The following CCAR2 variants were observed in gnomAD, a reference collection of about 807,000 sequenced individuals.
The protein encoded by CCAR2 is cell cycle and apoptosis regulator 2, also known as cell cycle and apoptosis regulator protein 2.
Under a neutral mutation model 108.1 loss-of-function variants are expected in CCAR2, and 21 were observed. The observed-to-expected ratio is 0.19, with a 90% CI of 0.14 to 0.28. CCAR2 has a LOEUF of 0.28. Ranked by LOEUF, CCAR2 falls within the 10% of genes least tolerant of loss-of-function variation. The pLI is 1.00. For synonymous variants in CCAR2, 577 were observed against 472.8 expected (o/e 1.22, Z -2.86); for missense variants, 1,126 against 1,177.0 (o/e 0.96, Z 0.63).
chr8:22,621,084 A>G (rs1190696249), downstream of CCAR2: 1 of 246,880 alleles, frequency 4.1e-6, no homozygotes, highest in Non-Finnish European at 7.8e-6. Context: ...AACGCATGCA[A>G]GGCTAAGACC....
chr8:22,614,330 T>A lies in CCAR2; in HGVS notation c.927+16T>A. On this transcript the variant is annotated intron_variant, in intron 9 of 20. Coordinates refer to ENST00000308511, the MANE Select transcript of CCAR2 (RefSeq NM_001393997.1). ...TAGTTCGAAGGTAAGCTGACAGGCG[T>A]CTCTCACTTATCTGATTTCTGGAGG... is the stretch of plus-strand genomic sequence containing the variant. 1.9e-6 allele frequency: 3 copies of A among 1,613,944 alleles called. No individual in the cohort carries two copies. The highest frequency in any genetic ancestry group is 2.5e-6 in the Non-Finnish European group (3 of 1,179,866).
At chr8:22,606,301 T>G in intron 3 of CCAR2, 125 bp downstream of exon 3, 1 of 871,826 alleles carries the variant, frequency 1.1e-6, no homozygotes, top group Non-Finnish European at 1.9e-6. Context: ...AGTGGGCTAG[T>G]ATGGGGTTGC....
At chr8:22,608,801 T>C (rs1801173407) in intron 7 of CCAR2, among the ~76,000 whole-genome samples, 1 of 152,228 alleles carries the variant, frequency 6.6e-6, no homozygotes. Context: ...ATTTTAAACT[T>C]GTTATAATGG....
intron 14 of CCAR2, among the ~76,000 whole-genome samples, chr8:22,616,981 A>G: frequency 9.2e-6 from 1 of 108,318 alleles, no homozygotes; most frequent in African/African-American, 4.0e-5. Context: ...TCCCAGGTTC[A>G]AACGATTCTC....
At position 22,619,848 on chromosome 8, in the gene CCAR2, T is replaced by TGTGC. The variant is rs1801694212; in HGVS notation, c.*167_*170dup. On this transcript the variant is annotated 3_prime_UTR_variant, in exon 21 of 21. Coordinates refer to ENST00000308511, the MANE Select transcript of CCAR2 (RefSeq NM_001393997.1). ...GACGGCAGGCCATCAGGCTGGGGGCTGTGCTATGTGGGATGGATGTGTGAG... is the reference window on the plus strand; with the variant it reads ...GACGGCAGGCCATCAGGCTGGGGGCTGTGCGTGCTATGTGGGATGGATGTGTGAG... 2.9e-6 allele frequency: 2 copies of TGTGC among 680,748 alleles called. No individual in the cohort carries two copies. The highest frequency in any genetic ancestry group is 5.1e-6 in the Non-Finnish European group (2 of 395,946). The allele number at this position is 680,748 out of a possible 1,614,324, so 42.2% of individuals were successfully genotyped here. A position where few individuals can be genotyped will look rare whatever the true frequency, so the allele number is the denominator to read the frequency against.
chr8:22,616,887 TTTTTTTTTTG>T (rs1333657202), intron 14 of CCAR2, among the ~76,000 whole-genome samples: 6 of 66,688 alleles, frequency 9.0e-5, no homozygotes, highest in East Asian at 3.8e-4. Context: ...TTTTTTTTTT[TTTTTTTTTTG>T]GGGAGATGGA....
At position 22,615,584 on chromosome 8, in the gene CCAR2, G is replaced by T. The variant is rs1801469194; in HGVS notation, c.1365G>T (p.Gln455His). ...QKAAEAAPPTQEAQGETEPTE... is the reference protein window; with the variant it reads ...QKAAEAAPPTHEAQGETEPTE... ...CTGCAGAGGCAGCTCCCCCAACCCAGGAGGCACAAGGGGTAAGGCTGTGCC... is the reference window on the plus strand; with the variant it reads ...CTGCAGAGGCAGCTCCCCCAACCCATGAGGCACAAGGGGTAAGGCTGTGCC... The change falls in exon 12 of 21, where the codon CAG becomes CAT. Residue 455 changes from glutamine (Q) to histidine (H), a missense_variant. This residue lies in a region of CCAR2 where 1,013 missense variants were observed against 993.9 expected (regional missense o/e 1.02). Coordinates refer to ENST00000308511, the MANE Select transcript of CCAR2 (RefSeq NM_001393997.1). The T allele has an allele frequency of 6.2e-7, 1 of 1,613,824 alleles. No individual in the cohort carries two copies. The highest frequency in any genetic ancestry group is 1.3e-5 in the African/African-American group (1 of 74,928).
In CCAR2 at chr8:22,607,369, A is replaced by G. The variant is rs761561972; in HGVS notation, c.487+44A>G. 2.5e-6 allele frequency: 4 copies of G among 1,583,224 alleles called. No homozygotes were observed. The East Asian group carries it at 6.9e-5, about 27-fold the overall frequency. Reference sequence around the variant, plus strand: ...GTTGTTGGGTGTGGCATTATGGGGTAGTTTAGATCAATGGACTTTCAGGTT... The same window carrying G: ...GTTGTTGGGTGTGGCATTATGGGGTGGTTTAGATCAATGGACTTTCAGGTT... On this transcript the variant is annotated intron_variant, in intron 6 of 20. Transcript: ENST00000308511.
intron 7 of CCAR2, among the ~76,000 whole-genome samples, chr8:22,611,430 ATATG>A (rs1177559843): frequency 2.2e-4 from 32 of 144,576 alleles, no homozygotes; most frequent in South Asian, 1.1e-3. Flanking sequence ...ATGTGTGTAT[ATATG>A]TGTGTGTGTA....
At chr8:22,616,610 G>C (rs1563923479) in intron 14 of CCAR2, 2 of 261,754 alleles carry the variant, frequency 7.6e-6, no homozygotes, top group East Asian at 8.7e-5. Flanking sequence ...GAGGTCAGGA[G>C]TTTGAGACCA....
rs1175329858 is a variant in CCAR2 at position 22,617,424 on chromosome 8, A to G, written c.1850A>G (p.Glu617Gly). Reference protein sequence around the residue: ...PATESEAPLKEDGLLPKPLSS... With the variant: ...PATESEAPLKGDGLLPKPLSS... ...AACCTTTGTCTGCCTCTGTAGAAGGAGGATGGGCTTTTGCCCAAACCACTC... is the reference window on the plus strand; with the variant it reads ...AACCTTTGTCTGCCTCTGTAGAAGGGGGATGGGCTTTTGCCCAAACCACTC... The change falls in exon 15 of 21, where the codon GAG (glutamate) becomes GGG (glycine). Residue 617 changes from glutamate to glycine, a missense_variant. This residue lies in a region of CCAR2 where 1,013 missense variants were observed against 993.9 expected (regional missense o/e 1.02). Coordinates refer to ENST00000308511, the MANE Select transcript of CCAR2 (RefSeq NM_001393997.1). The G allele has an allele frequency of 6.5e-7, 1 of 1,544,064 alleles. No individual in the cohort carries two copies. The highest frequency in any genetic ancestry group is 8.7e-7 in the Non-Finnish European group (1 of 1,148,730).
chr8:22,606,916 G>A lies in CCAR2; in HGVS notation c.249G>A (p.Val83=). 6.2e-7 allele frequency: 1 copy of A among 1,614,098 alleles called. No individual in the cohort carries two copies. Among genetic ancestry groups the A allele is most frequent in the Non-Finnish European group, 8.5e-7 (1 of 1,180,016 alleles). Residue 83 remains valine (V), a synonymous_variant, in exon 5 of 21, where the codon GTG becomes GTA. Transcript: ENST00000308511. ...DEEVFFQLSV[V]KGRLPQLGEK... ...CTGGCTTGTGTGCTGACAGTGTGGT[G>A]AAGGGCCGTCTGCCCCAGCTGGGTG...
rs769517715 is a variant in CCAR2, at chr8:22,619,412, C to A, written c.2727+57C>A. The A allele has an allele frequency of 3.9e-6, 6 of 1,531,118 alleles. No homozygotes were observed. In the South Asian group the frequency reaches 7.2e-5, roughly 18 times the overall value. 94.8% of individuals were successfully genotyped at this position (1,531,118 alleles called of 1,614,324 possible). ...GCTCCTTTCCCTGAGCTCCAAAAGT[C>A]CCCAGAAGGGCGCTTGCCCGTGTCG... On this transcript the variant is annotated intron_variant, in intron 20 of 20. Coordinates refer to ENST00000308511, the MANE Select transcript of CCAR2 (RefSeq NM_001393997.1).
chr8:22,619,893 CAACT>C lies in CCAR2; in HGVS notation c.*214_*217del. On this transcript the variant is annotated 3_prime_UTR_variant, in exon 21 of 21. Transcript: ENST00000308511. ...TGTGAGGAACCCCGGTTCCACTTAA[CAACT>C]AAATACAACATCTTTTGCACCCCTA... 1.7e-6 allele frequency: 1 copy of C among 586,070 alleles called. No individual in the cohort carries two copies. Among genetic ancestry groups the C allele is most frequent in the Non-Finnish European group, 3.1e-6 (1 of 327,314 alleles). The allele number at this position is 586,070 out of a possible 1,614,324, so 36.3% of individuals were successfully genotyped here. A position where few individuals can be genotyped will look rare whatever the true frequency, so the allele number is the denominator to read the frequency against.
Position 22,607,949 on chromosome 8 carries a change from C to T in CCAR2, c.488-20C>T, listed in dbSNP as rs1554559075. 2 of 1,610,322 alleles carry T rather than the reference C, an allele frequency of 1.2e-6. No homozygotes were observed. The highest frequency in any genetic ancestry group is 1.1e-5 in the South Asian group (1 of 90,792). ...CCGGTTTTTAGGGTTTTTGAGTCAC[C>T]AGTCATTTCCTTTCTGCAGCTCTGA... On this transcript the variant is annotated intron_variant, in intron 6 of 20. Coordinates refer to ENST00000308511, the MANE Select transcript of CCAR2 (RefSeq NM_001393997.1).
chr8:22,616,823 A>AC (rs1801529779), intron 14 of CCAR2, among the ~76,000 whole-genome samples: 1 of 150,738 alleles, frequency 6.6e-6, no homozygotes, highest in African/African-American at 2.4e-5. Flanking sequence ...GTCTCAAAAA[A>AC]GAAAAAAAAA....
At chr8:22,615,081 C>T in intron 11 of CCAR2, 80 bp downstream of exon 11, 2 of 1,434,988 alleles carry the variant, frequency 1.4e-6, no homozygotes, top group Non-Finnish European at 1.8e-6. Context: ...GTCCCTGCCC[C>T]TTTCTGCTGG....
Position 22,619,730 on chromosome 8 carries a change from G to C in CCAR2, c.*48G>C, listed in dbSNP as rs978504351. ...CCTGTGAGGGCAGCGGTGGCGCCCG[G>C]CAAAGTTGGAGCCCTTGCGGTACCA... On this transcript the variant is annotated 3_prime_UTR_variant, in exon 21 of 21. Transcript: ENST00000308511. 2 of 1,545,108 alleles carry C rather than the reference G, an allele frequency of 1.3e-6. No homozygotes were observed. The highest frequency in any genetic ancestry group is 4.9e-5 in the East Asian group (2 of 41,092).
At position 22,617,514 on chromosome 8, in the gene CCAR2, C is replaced by G. The variant is rs1255983681; in HGVS notation, c.1940C>G (p.Ala647Gly). ...GCTTCTGAGGACCTGTGTGAGATGG[C>G]CCTGGACCCAGAACTGTTGCTTCTG... ...GEASEDLCEM[A>G]LDPELLLLRD... The change falls in exon 15 of 21, where the codon GCC becomes GGC. Residue 647 changes from alanine to glycine, a missense_variant. This residue lies in a region of CCAR2 where 1,013 missense variants were observed against 993.9 expected (regional missense o/e 1.02). Transcript: ENST00000308511. 6.2e-7 allele frequency: 1 copy of G among 1,607,274 alleles called. No homozygotes were observed. Among genetic ancestry groups the G allele is most frequent in the Non-Finnish European group, 8.5e-7 (1 of 1,176,416 alleles).
Sources: allele counts gnomAD v4.1 joint callset (sites outside exome capture counted in the v4.1 genomes callset), GRCh38; gene constraint gnomAD v4.1.1; regional missense constraint gnomAD v4.1.1; transcripts MANE v1.5; gene names NCBI Gene and HGNC (gene_info 2026-07-23, HGNC 2026-07-21).